ELAPOR2: variants seen among roughly 807,000 people sequenced by gnomAD.
The protein encoded by ELAPOR2 is endosome/lysosome-associated apoptosis and autophagy regulator family member 2.
ELAPOR2 carries 89 observed loss-of-function variants against 120.7 expected under a neutral mutation model. That is an observed-to-expected ratio of 0.74 (90% CI 0.62 to 0.88). The LOEUF (loss-of-function observed/expected upper bound fraction) is 0.88. ELAPOR2 is among the 40% of genes least tolerant of loss of function. The pLI is 0.00. For synonymous variants in ELAPOR2, 444 were observed against 444.9 expected, an observed-to-expected ratio of 1.00 and a Z score of 0.03; for missense variants, 1,134 against 1,251.6, an observed-to-expected ratio of 0.91 and a Z score of 1.42.
chr7:87,010,492 CT>C (rs1387929519), intron 1 of ELAPOR2, among the ~76,000 whole-genome samples: 1 of 152,144 alleles, frequency 6.6e-6, no homozygotes, highest in African/African-American at 2.4e-5. Context: ...TGCATTTCTA[CT>C]GAAGGATCAC....
rs538877976 is a variant in ELAPOR2, at chr7:87,041,675, C to T, written c.189+17650G>A. 2.6e-4 allele frequency among the ~76,000 whole-genome samples: 39 copies of T among 151,910 alleles called. No homozygotes were observed. In the East Asian group the frequency reaches 7.5e-3, roughly 29 times the overall value. ...CAAAATCATGCCAAAATGTAAAGAC[C>T]ATCGAGACTAGGAAGAAACTGCATC... On this transcript the variant is annotated intron_variant, in intron 1 of 21. Transcript: ENST00000450689.
chr7:86,947,794 A>C lies in ELAPOR2; in HGVS notation c.439T>G (p.Ser147Ala), dbSNP rs536741266. ...DEWDELPAGF[S>A]NIATFMDTVV... ...GTGTCCATGAATGTTGCGATGTTAGAAAATCCTGCCGGCAATTCATCCCAT... is the reference window on the plus strand; with the variant it reads ...GTGTCCATGAATGTTGCGATGTTAGCAAATCCTGCCGGCAATTCATCCCAT... Residue 147 changes from serine (S) to alanine (A), a missense_variant, in exon 3 of 22, where the codon TCT becomes GCT. Physicochemically the swap from Ser to Ala is moderately conservative, Grantham distance 99. Around this residue, in one of 3 missense-constraint regions of ELAPOR2, gnomAD observed 280 missense variants for 331.5 expected, o/e 0.84. Coordinates refer to ENST00000450689, the MANE Select transcript of ELAPOR2 (RefSeq NM_001142749.3). 2 of 1,551,800 alleles carry C rather than the reference A, an allele frequency of 1.3e-6. No homozygotes were observed. Among genetic ancestry groups the C allele is most frequent in the Non-Finnish European group, 1.7e-6 (2 of 1,147,010 alleles).
intron 6 of ELAPOR2, 70 bp downstream of exon 6, chr7:86,939,940 A>C: frequency 9.9e-7 from 1 of 1,009,288 alleles, no homozygotes; most frequent in Admixed American, 2.3e-5. Flanking sequence ...CCAAACCAAA[A>C]CTTTAATAAA....
At chr7:86,895,084 C>T (rs1395909846) in intron 19 of ELAPOR2, among the ~76,000 whole-genome samples, 3 of 151,900 alleles carry the variant, frequency 2.0e-5, no homozygotes, top group Non-Finnish European at 4.4e-5. Flanking sequence ...AAGATGGTGT[C>T]GGAAATAGGA....
intron 21 of ELAPOR2, among the ~76,000 whole-genome samples, chr7:86,890,650 T>A (rs1006433236): frequency 1.3e-5 from 2 of 151,986 alleles, no homozygotes; most frequent in African/African-American, 4.8e-5. Context: ...AAACTGTCCA[T>A]GAAACTGTAG....
intron 1 of ELAPOR2, among the ~76,000 whole-genome samples, chr7:87,001,022 G>C (rs945549405): frequency 1.4e-4 from 21 of 152,124 alleles, no homozygotes; most frequent in Admixed American, 1.4e-3. Flanking sequence ...GTGTATCAGG[G>C]ATAATACTGC....
At chr7:87,013,124 C>T (rs768835777) in intron 1 of ELAPOR2, among the ~76,000 whole-genome samples, 15 of 152,080 alleles carry the variant, frequency 9.9e-5, no homozygotes, top group Non-Finnish European at 2.1e-4. Context: ...AGATAATATA[C>T]CACAAGAATA....
At chr7:86,915,324 C>A (rs1789518791) in intron 12 of ELAPOR2, among the ~76,000 whole-genome samples, 1 of 151,998 alleles carries the variant, frequency 6.6e-6, no homozygotes, top group African/African-American at 2.4e-5. Flanking sequence ...CCAAGTTCCC[C>A]TGAATTATAC....
chr7:87,030,767 T>A (rs890179470), intron 1 of ELAPOR2, among the ~76,000 whole-genome samples: 1 of 152,194 alleles, frequency 6.6e-6, no homozygotes, highest in African/African-American at 2.4e-5. Flanking sequence ...TGTATGTCAT[T>A]TCTTATTTTC....
At chr7:86,893,660 C>A (rs553225044) in intron 19 of ELAPOR2, among the ~76,000 whole-genome samples, 128 of 152,128 alleles carry the variant, frequency 8.4e-4, no homozygotes, top group Non-Finnish European at 1.5e-3. Context: ...ACAGTCTACA[C>A]CCTTCTTCCC....
chr7:87,006,062 A>G (rs1793459346), intron 1 of ELAPOR2, among the ~76,000 whole-genome samples: 1 of 152,188 alleles, frequency 6.6e-6, no homozygotes, highest in Admixed American at 6.6e-5. Context: ...AAAAGCTTCT[A>G]CAATTCAATT....
At chr7:86,948,705 G>A (rs1302154782) in intron 2 of ELAPOR2, among the ~76,000 whole-genome samples, 3 of 151,518 alleles carry the variant, frequency 2.0e-5, no homozygotes, top group Non-Finnish European at 4.4e-5. Context: ...TACTAGATAC[G>A]ACAATGTGAA....
intron 2 of ELAPOR2, among the ~76,000 whole-genome samples, chr7:86,950,413 C>A (rs956897145): frequency 6.6e-6 from 1 of 152,150 alleles, no homozygotes; most frequent in Non-Finnish European, 1.5e-5. Context: ...GGATACCAGA[C>A]CTGGAAGCTC....
At chr7:86,953,163 T>G (rs1791336766) in intron 2 of ELAPOR2, among the ~76,000 whole-genome samples, 1 of 145,606 alleles carries the variant, frequency 6.9e-6, no homozygotes, top group Non-Finnish European at 1.5e-5. Flanking sequence ...CACATCTCTA[T>G]AAGAACTCTG....
intron 2 of ELAPOR2, among the ~76,000 whole-genome samples, chr7:86,951,055 T>A (rs1156358449): frequency 6.6e-6 from 1 of 152,170 alleles, no homozygotes; most frequent in African/African-American, 2.4e-5. Context: ...TAAATAATAA[T>A]ATCATAAACC....
chr7:87,050,594 T>C (rs997094064), intron 1 of ELAPOR2, among the ~76,000 whole-genome samples: 1 of 152,110 alleles, frequency 6.6e-6, no homozygotes, highest in African/African-American at 2.4e-5. Flanking sequence ...AAGTACCCAA[T>C]CTCAGGTACT....
chr7:87,001,941 A>G (rs1314252391), intron 1 of ELAPOR2, among the ~76,000 whole-genome samples: 1 of 152,142 alleles, frequency 6.6e-6, no homozygotes, highest in Non-Finnish European at 1.5e-5. Flanking sequence ...ATGAAGCTCT[A>G]TTTTCCATGG....
At chr7:86,889,005 A>G (rs946400921) in intron 21 of ELAPOR2, among the ~76,000 whole-genome samples, 3 of 152,104 alleles carry the variant, frequency 2.0e-5, no homozygotes, top group Non-Finnish European at 4.4e-5. Flanking sequence ...ACACCTTAGG[A>G]GTAGTCATAA....
chr7:86,891,598 T>A, intron 21 of ELAPOR2, 126 bp downstream of exon 21: 1 of 701,068 alleles, frequency 1.4e-6, no homozygotes, highest in Non-Finnish European at 2.3e-6. Context: ...AGAGTATTTC[T>A]GTTGGATAAA....
Sources: gnomAD v4.1 joint callset for allele counts (sites outside exome capture counted in the v4.1 genomes callset) on GRCh38, gnomAD v4.1.1 for gene constraint, gnomAD v4.1.1 regional missense constraint, MANE v1.5 for transcripts, NCBI Gene and HGNC (gene_info 2026-07-23, HGNC 2026-07-21) for gene names.